The following BRWD1 variants were observed in gnomAD, a reference collection of about 807,000 sequenced individuals.
BRWD1 encodes the protein bromodomain and WD repeat-containing protein 1.
Under a neutral mutation model 251.2 loss-of-function variants are expected in BRWD1, and 82 were observed. The observed-to-expected ratio is 0.33, with a 90% confidence interval of 0.27 to 0.39. The LOEUF (loss-of-function observed/expected upper bound fraction) is 0.39. BRWD1 is among the 10% of genes least tolerant of loss of function. The pLI, the probability that BRWD1 is intolerant of heterozygous loss-of-function variation, is 1.00. For synonymous variants in BRWD1, 918 were observed against 902.8 expected (o/e 1.02, Z -0.30); for missense variants, 2,233 against 2,711.6 (o/e 0.82, Z 3.92).
chr21:39,285,469 A>G (rs759402711), intron 8 of BRWD1, among the ~76,000 whole-genome samples: 2 of 152,232 alleles, frequency 1.3e-5, no homozygotes, highest in African/African-American at 2.4e-5. Context: ...GCTAGAAGAG[A>G]AGATTTTGAA....
At chr21:39,277,419 T>A in intron 10 of BRWD1, 68 bp from the exon 11 acceptor site, 1 of 963,896 alleles carries the variant, frequency 1.0e-6, no homozygotes, top group Non-Finnish European at 1.4e-6. Flanking sequence ...CAAATTTCCA[T>A]ATTAAAATAT....
At chr21:39,274,284 C>T in intron 13 of BRWD1, 90 bp downstream of exon 13, 1 of 1,037,252 alleles carries the variant, frequency 9.6e-7, no homozygotes, top group Non-Finnish European at 1.5e-6. Flanking sequence ...AACAAAATAA[C>T]CACTGAGAGA....
rs1478749827 is a variant in BRWD1, at chr21:39,270,382, T to C, written c.1296A>G (p.Ile432Met). 1 of 1,612,592 alleles carries C rather than the reference T, an allele frequency of 6.2e-7. No individual in the cohort carries two copies. The highest frequency in any genetic ancestry group is 8.5e-7 in the Non-Finnish European group (1 of 1,179,328). ...ERFMKPKVTM[I>M]AWNQNDSIVV... is the part of the protein sequence containing the mutation. ...CAATGCTATCATTTTGATTCCAAGC[T>C]ATCATTGTTACTTTAGGTTTCATAA... The change falls in exon 14 of 41, where the codon ATA (isoleucine) becomes ATG (methionine). Residue 432 changes from isoleucine (I) to methionine (M), a missense_variant. Transcript: ENST00000342449.
At chr21:39,245,604 T>G (rs1358862600) in intron 21 of BRWD1, among the ~76,000 whole-genome samples, 1 of 147,216 alleles carries the variant, frequency 6.8e-6, no homozygotes, top group African/African-American at 2.5e-5. Context: ...TTTTTTGGTT[T>G]TTTTTTTTTT....
At position 39,189,647 on chromosome 21, in the gene BRWD1, T is replaced by G. The variant is rs1372534890; in HGVS notation, c.*6612A>C. 1.0e-6 allele frequency: 1 copy of G among 981,532 alleles called. No homozygotes were observed. The highest frequency in any genetic ancestry group is 1.2e-6 in the Non-Finnish European group (1 of 826,538). 60.8% of individuals were successfully genotyped at this position (981,532 alleles called of 1,614,324 possible). A position where few individuals can be genotyped will look rare whatever the true frequency, so the allele number is the denominator to read the frequency against. ...AAACAGGAATTTCAGAGAATAAGGA[T>G]AAAAACAATCTGAGGAAGACAAAAC... is the stretch of plus-strand genomic sequence containing the variant. On this transcript the variant is annotated 3_prime_UTR_variant, in exon 41 of 41. Transcript: ENST00000342449.
chr21:39,258,379 C>A, intron 18 of BRWD1, 108 bp downstream of exon 18: 1 of 964,854 alleles, frequency 1.0e-6, no homozygotes. Flanking sequence ...TGTAAAAATA[C>A]ATTGTTTACT....
chr21:39,223,819 GA>G (rs2033273840), intron 29 of BRWD1, among the ~76,000 whole-genome samples: 2 of 152,144 alleles, frequency 1.3e-5, no homozygotes, highest in South Asian at 2.1e-4. Flanking sequence ...AATGAGGTAG[GA>G]AAAGTAGAGG....
In BRWD1 at chr21:39,192,468, C is replaced by CA. The variant is rs1474208674; in HGVS notation, c.*3790dup. On this transcript the variant is annotated 3_prime_UTR_variant, in exon 41 of 41. Coordinates refer to ENST00000342449, the MANE Select transcript of BRWD1 (RefSeq NM_033656.4). ...TCTGCTTTATTATTTCCTTGATATC[C>CA]ACAGCAGAAATTCAGAGGTATAACT... 1.0e-6 allele frequency: 1 copy of CA among 985,024 alleles called. No individual in the cohort carries two copies. The highest frequency in any genetic ancestry group is 1.2e-6 in the Non-Finnish European group (1 of 829,810). 61.0% of individuals were successfully genotyped at this position (985,024 alleles called of 1,614,324 possible). A position where few individuals can be genotyped will look rare whatever the true frequency, so the allele number is the denominator to read the frequency against.
chr21:39,286,016 CTT>C (rs57151774), intron 8 of BRWD1, among the ~76,000 whole-genome samples: 1 of 104,798 alleles, frequency 9.5e-6, no homozygotes, highest in Non-Finnish European at 1.8e-5. Context: ...ACCATATGAA[CTT>C]TTTTTTTTTT....
At position 39,258,541 on chromosome 21, in the gene BRWD1, C is replaced by T; in HGVS notation, c.2017G>A (p.Asp673Asn). ...AGTCCTCTTGGAATAGTATCCTGAT[C>T]TGCTCCCATTCTCTGATCTTGCTGC... Reference protein sequence around the residue: ...QQQQDQRMGADQDTIPRGLSN... With the variant: ...QQQQDQRMGANQDTIPRGLSN... Residue 673 changes from aspartate (D) to asparagine (N), a missense_variant, in exon 18 of 41, where the codon GAT becomes AAT. Asp to Asn is a conservative substitution (Grantham distance 23, BLOSUM62 1). Coordinates refer to ENST00000342449, the MANE Select transcript of BRWD1 (RefSeq NM_033656.4). The T allele has an allele frequency of 6.2e-7, 1 of 1,613,186 alleles. No homozygotes were observed.
chr21:39,257,044 C>G (rs1474674560), intron 18 of BRWD1, among the ~76,000 whole-genome samples: 1 of 152,104 alleles, frequency 6.6e-6, no homozygotes, highest in African/African-American at 2.4e-5. Context: ...CTAAATTTAA[C>G]TGCCCAAGTC....
At chr21:39,231,878 T>C (rs1046762415) in intron 25 of BRWD1, among the ~76,000 whole-genome samples, 3 of 152,212 alleles carry the variant, frequency 2.0e-5, no homozygotes, top group African/African-American at 4.8e-5. Context: ...CCTCTGAAAA[T>C]CTGTCTTGGA....
At chr21:39,255,618 A>G (rs760816402) in intron 19 of BRWD1, 27 bp downstream of exon 19, 2 of 1,570,430 alleles carry the variant, frequency 1.3e-6, no homozygotes, top group South Asian at 2.2e-5. Context: ...AGATAGAAAC[A>G]TTATAAATAG....
intron 27 of BRWD1, among the ~76,000 whole-genome samples, chr21:39,227,372 C>A (rs1293388999): frequency 0.023 from 2 of 88 alleles, no homozygotes; most frequent in Non-Finnish European, 0.077. Flanking sequence ...ATTTGTACAC[C>A]TGTGAAAACA....
intron 18 of BRWD1, among the ~76,000 whole-genome samples, chr21:39,257,249 C>T (rs1248235896): frequency 1.3e-5 from 2 of 150,668 alleles, no homozygotes; most frequent in Non-Finnish European, 3.0e-5. Flanking sequence ...TGAACTGATA[C>T]GATTTCTAGA....
At position 39,195,612 on chromosome 21, in the gene BRWD1, T is replaced by C. The variant is rs1157743444; in HGVS notation, c.*647A>G. On this transcript the variant is annotated 3_prime_UTR_variant, in exon 41 of 41. Transcript: ENST00000342449. ...CCAGCACTTTATAAATTCAAGTTTATAACATAAAAGTGACAACGTTTTCCT... is the reference window on the plus strand; with the variant it reads ...CCAGCACTTTATAAATTCAAGTTTACAACATAAAAGTGACAACGTTTTCCT... 1 of 984,166 alleles carries C rather than the reference T, an allele frequency of 1.0e-6. No individual in the cohort carries two copies. The highest frequency in any genetic ancestry group is 1.8e-5 in the African/African-American group (1 of 57,128). 61.0% of individuals were successfully genotyped at this position (984,166 alleles called of 1,614,324 possible).
chr21:39,272,011 A>AAG (rs1419000168), intron 13 of BRWD1, among the ~76,000 whole-genome samples: 1 of 121,468 alleles, frequency 8.2e-6, no homozygotes, highest in Non-Finnish European at 2.0e-5. Context: ...TCCATTTCAA[A>AAG]AAAAAAAAAA....
chr21:39,274,777 C>T (rs2035227545), intron 12 of BRWD1, among the ~76,000 whole-genome samples: 1 of 152,190 alleles, frequency 6.6e-6, no homozygotes, highest in South Asian at 2.1e-4. Context: ...TGCAGTGGCT[C>T]ATGTCTGTAA....
At chr21:39,258,261 T>C (rs1223952117) in intron 18 of BRWD1, among the ~76,000 whole-genome samples, 2 of 152,346 alleles carry the variant, frequency 1.3e-5, no homozygotes, top group South Asian at 2.1e-4. Flanking sequence ...TTGTAAATAC[T>C]GTATTTTTAG....
Sources: gnomAD v4.1 joint callset for allele counts (sites outside exome capture counted in the v4.1 genomes callset) on GRCh38, gnomAD v4.1.1 for gene constraint, MANE v1.5 for transcripts, NCBI Gene and HGNC (gene_info 2026-07-23, HGNC 2026-07-21) for gene names.